Variants in ZBTB20 observed in about 807,000 individuals in gnomAD.
The protein encoded by ZBTB20 is zinc finger and BTB domain-containing protein 20.
ZBTB20 carries 9 observed loss-of-function variants against 56.9 expected under a neutral mutation model. The ratio of observed to expected loss-of-function variants is 0.16; its 90% CI spans 0.10 to 0.28. The LOEUF is 0.28. Ranked by LOEUF, ZBTB20 falls within the 10% of genes least tolerant of loss-of-function variation. The pLI is 1.00. For missense variants in ZBTB20, 655 were observed against 1,003.0 expected, an observed-to-expected ratio of 0.65 and a Z score of 4.69; for synonymous variants, 417 against 420.7, an observed-to-expected ratio of 0.99 and a Z score of 0.11.
intron 3 of ZBTB20, among the ~76,000 whole-genome samples, chr3:114,915,189 C>A (rs146455327): frequency 6.6e-6 from 1 of 151,822 alleles, no homozygotes; most frequent in Admixed American, 6.6e-5. Context: ...AGCAGTAAAG[C>A]GATCAGGTCC....
intron 3 of ZBTB20, among the ~76,000 whole-genome samples, chr3:114,908,288 T>C (rs1278248066): frequency 6.6e-6 from 1 of 151,950 alleles, no homozygotes; most frequent in African/African-American, 2.4e-5. Context: ...AAACATCAAA[T>C]ACATAAAAGT....
intron 4 of ZBTB20, among the ~76,000 whole-genome samples, chr3:114,891,570 AC>A (rs1270690580): frequency 6.6e-6 from 1 of 152,212 alleles, no homozygotes; most frequent in Non-Finnish European, 1.5e-5. Flanking sequence ...TCAATATTGA[AC>A]CCATTTTAGA....
chr3:115,002,924 G>A (rs1415345153), intron 2 of ZBTB20, among the ~76,000 whole-genome samples: 2 of 151,556 alleles, frequency 1.3e-5, no homozygotes, highest in Non-Finnish European at 1.5e-5. Flanking sequence ...CTTTAAGTAG[G>A]TGAATGCATG....
chr3:114,907,257 G>C (rs1259301286), intron 3 of ZBTB20, among the ~76,000 whole-genome samples: 1 of 151,770 alleles, frequency 6.6e-6, no homozygotes, highest in East Asian at 1.9e-4. Context: ...ATCAGACAGT[G>C]GCTACCAACC....
At chr3:115,002,331 A>G (rs745396608) in intron 2 of ZBTB20, among the ~76,000 whole-genome samples, 9 of 151,608 alleles carry the variant, frequency 5.9e-5, no homozygotes, top group Admixed American at 1.3e-4. Context: ...GGTCTTAGAT[A>G]TAACACCACA....
rs536929699 is a variant in ZBTB20, at chr3:114,643,958, T to C, written c.-295+49570A>G. ...CTGCTCCTTAACAGTGAGATTCTACTGTTCTGGCACATTATAGGTTCTCTT... is the reference window on the plus strand; with the variant it reads ...CTGCTCCTTAACAGTGAGATTCTACCGTTCTGGCACATTATAGGTTCTCTT... On this transcript the variant is annotated intron_variant, in intron 6 of 11. Coordinates refer to ENST00000675478, the MANE Select transcript of ZBTB20 (RefSeq NM_001348800.3). 1.2e-4 allele frequency among the ~76,000 whole-genome samples: 19 copies of C among 152,230 alleles called. No individual in the cohort carries two copies. In the South Asian group the frequency reaches 2.7e-3, roughly 22 times the overall value.
intron 7 of ZBTB20, among the ~76,000 whole-genome samples, chr3:114,445,105 T>C (rs1476212093): frequency 1.3e-5 from 2 of 152,168 alleles, no homozygotes; most frequent in African/African-American, 2.4e-5. Context: ...CTTCAAACAA[T>C]AGCATAACAA....
At chr3:114,990,214 A>G (rs1218259056) in intron 2 of ZBTB20, among the ~76,000 whole-genome samples, 1 of 152,150 alleles carries the variant, frequency 6.6e-6, no homozygotes, top group Non-Finnish European at 1.5e-5. Context: ...GTTTTTGCCC[A>G]TTCAGTATGA....
chr3:115,048,538 C>T (rs1334287414), intron 2 of ZBTB20, among the ~76,000 whole-genome samples: 1 of 152,084 alleles, frequency 6.6e-6, no homozygotes, highest in East Asian at 1.9e-4. Context: ...TCTGTCATTT[C>T]AGGTAAGATA....
chr3:114,346,550 T>C (rs1039691357), intron 11 of ZBTB20, among the ~76,000 whole-genome samples: 2 of 152,200 alleles, frequency 1.3e-5, no homozygotes, highest in Non-Finnish European at 2.9e-5. Flanking sequence ...TCGTCTTTCA[T>C]TTATGCCTCT....
rs947288132 is a variant in ZBTB20, at chr3:114,380,190, A to T, written c.199+27T>A. On this transcript the variant is annotated intron_variant, in intron 10 of 11. Coordinates refer to ENST00000675478, the MANE Select transcript of ZBTB20 (RefSeq NM_001348800.3). ...AAGCACTACTCCAAGCACTGCAAAG[A>T]CACCATCACCTTAGTGGTGTACTCA... The T allele has an allele frequency of 9.9e-6, 15 of 1,516,464 alleles. No homozygotes were observed. The Admixed American group carries it at 2.7e-4, about 27-fold the overall frequency. 93.9% of individuals were successfully genotyped at this position (1,516,464 alleles called of 1,614,324 possible). A position where few individuals can be genotyped will look rare whatever the true frequency, so the allele number is the denominator to read the frequency against.
chr3:114,829,398 G>C (rs909770467), intron 4 of ZBTB20, among the ~76,000 whole-genome samples: 1 of 151,778 alleles, frequency 6.6e-6, no homozygotes, highest in African/African-American at 2.4e-5. Context: ...ATGTTTGCCA[G>C]CTGATAGGAA....
intron 1 of ZBTB20, among the ~76,000 whole-genome samples, chr3:115,129,853 A>G (rs2084449631): frequency 1.3e-5 from 2 of 152,212 alleles, no homozygotes; most frequent in Admixed American, 1.3e-4. Context: ...TTAGACTTTC[A>G]GCGATTAAAT....
intron 7 of ZBTB20, among the ~76,000 whole-genome samples, chr3:114,412,068 A>C (rs1298759223): frequency 7.2e-5 from 11 of 152,198 alleles, no homozygotes; most frequent in Non-Finnish European, 1.0e-4. Context: ...AATGCAGTAC[A>C]TTCAGGGGAA....
At chr3:114,440,268 T>C (rs1342627942) in intron 7 of ZBTB20, among the ~76,000 whole-genome samples, 1 of 152,122 alleles carries the variant, frequency 6.6e-6, no homozygotes, top group Non-Finnish European at 1.5e-5. Flanking sequence ...TGAGGATAGA[T>C]GGTTTTCTAT....
chr3:114,906,270 T>C (rs945872055), intron 3 of ZBTB20, among the ~76,000 whole-genome samples: 12 of 151,816 alleles, frequency 7.9e-5, no homozygotes, highest in Non-Finnish European at 1.8e-4. Flanking sequence ...AGTTAACAGC[T>C]ACCCCTAAAA....
At chr3:114,679,001 G>A (rs750797669) in intron 6 of ZBTB20, among the ~76,000 whole-genome samples, 3 of 152,154 alleles carry the variant, frequency 2.0e-5, no homozygotes, top group Admixed American at 6.5e-5. Flanking sequence ...GGTCCTAGGT[G>A]CTTAATATGA....
chr3:114,872,271 G>A (rs2076042608), intron 4 of ZBTB20, among the ~76,000 whole-genome samples: 1 of 152,010 alleles, frequency 6.6e-6, no homozygotes, highest in Non-Finnish European at 1.5e-5. Context: ...CACAACCCTT[G>A]TACTCAAGAG....
intron 4 of ZBTB20, among the ~76,000 whole-genome samples, chr3:114,870,238 A>G (rs2075942176): frequency 6.6e-6 from 1 of 152,076 alleles, no homozygotes. Flanking sequence ...GAAAATAATA[A>G]TGTCTGAAAA....
Sources: allele counts gnomAD v4.1 joint callset (sites outside exome capture counted in the v4.1 genomes callset), GRCh38; gene constraint gnomAD v4.1.1; transcripts MANE v1.5; gene names NCBI Gene and HGNC (gene_info 2026-07-23, HGNC 2026-07-21).